The following PHF6 variants were observed in gnomAD, a reference collection of about 807,000 sequenced individuals.
The protein encoded by PHF6 is PHD finger protein 6.
A neutral mutation model predicts 34.0 loss-of-function variants in PHF6; 7 were observed. The ratio of observed to expected loss-of-function variants is 0.21; its 90% CI spans 0.12 to 0.39. PHF6 has a LOEUF of 0.39. PHF6 is among the 10% of genes least tolerant of loss of function. The pLI is 1.00. For missense variants in PHF6, 128 were observed against 262.8 expected (o/e 0.49, Z 3.55); for synonymous variants, 89 against 88.4 (o/e 1.01, Z -0.04).
chrX:134,384,938 ACTGCGCCCAGC>A (rs1201953446), intron 3 of PHF6, among the ~76,000 whole-genome samples: 1 of 111,804 alleles, frequency 8.9e-6, no homozygotes, highest in Non-Finnish European at 1.9e-5. Context: ...GGCGTGAGCC[ACTGCGCCCAGC>A]CTGCCTTTTC....
intron 2 of PHF6, 66 bp from the exon 3 acceptor site, chrX:134,377,939 T>G: frequency 1.1e-6 from 1 of 950,949 alleles, no homozygotes; most frequent in Admixed American, 2.6e-5. Context: ...ATTTGACATC[T>G]TATTTACTGT....
intron 5 of PHF6, among the ~76,000 whole-genome samples, chrX:134,409,456 CT>C (rs1160464249): frequency 9.0e-6 from 1 of 111,128 alleles, no homozygotes; most frequent in Non-Finnish European, 1.9e-5. Flanking sequence ...CTTGTGTATT[CT>C]TTTTTTCATC....
chrX:134,401,223 T>A (rs1261602738), intron 5 of PHF6, among the ~76,000 whole-genome samples: 1 of 111,500 alleles, frequency 9.0e-6, no homozygotes, highest in Non-Finnish European at 1.9e-5. Context: ...CTTCTCTTCT[T>A]AACCACTGTT....
chrX:134,415,815 T>C (rs1238193784), intron 8 of PHF6, among the ~76,000 whole-genome samples: 1 of 111,570 alleles, frequency 9.0e-6, no homozygotes, highest in Admixed American at 9.6e-5. Context: ...AGGCCTTTTA[T>C]TCTTGTTGCT....
At chrX:134,394,095 G>A in intron 5 of PHF6, 143 bp downstream of exon 5, 1 of 567,289 alleles carries the variant, frequency 1.8e-6, no homozygotes, top group Non-Finnish European at 2.9e-6. Flanking sequence ...AAAAGTGTTA[G>A]GATAAACTAA....
rs770811341 is a variant in PHF6, at chrX:134,393,949, G to A, written c.415G>A (p.Glu139Lys). The change falls in exon 5 of 11, where the codon GAA becomes AAA. Residue 139 changes from glutamate (E) to lysine (K), a missense_variant. By Grantham distance (56) the Glu-to-Lys change is moderately conservative. Transcript: ENST00000370803. The stretch of plus-strand genomic sequence containing the variant: ...ACACAAGAAAACTGCACATAACTCC[G>A]AAGGTACATCATTTAGCCACGTTTC... ...RKHKKTAHNS[E>K]ADLEESFNEH... 2.5e-6 allele frequency: 3 copies of A among 1,210,008 alleles called. No individual in the cohort carries two copies. Among genetic ancestry groups the A allele is most frequent in the Admixed American group, 4.4e-5 (2 of 45,902 alleles).
chrX:134,379,024 TAA>T (rs938297749), intron 3 of PHF6, among the ~76,000 whole-genome samples: 3 of 112,252 alleles, frequency 2.7e-5, no homozygotes, highest in Non-Finnish European at 5.6e-5. Flanking sequence ...TTTCATTTTT[TAA>T]AAGATGCGTT....
intron 5 of PHF6, among the ~76,000 whole-genome samples, chrX:134,407,935 T>G (rs975755476): frequency 4.5e-5 from 5 of 111,475 alleles, no homozygotes; most frequent in African/African-American, 1.6e-4. Flanking sequence ...TTTTCACTTT[T>G]TTTACATTTT....
At chrX:134,381,181 G>A (rs757172925) in intron 3 of PHF6, among the ~76,000 whole-genome samples, 13 of 111,155 alleles carry the variant, frequency 1.2e-4, no homozygotes, top group Non-Finnish European at 1.7e-4. Context: ...CTTTTGCTCC[G>A]TTTCCTTCCC....
intron 6 of PHF6, 72 bp from the exon 7 acceptor site, chrX:134,413,751 A>G: frequency 8.4e-7 from 1 of 1,195,047 alleles, no homozygotes; most frequent in Non-Finnish European, 1.1e-6. Context: ...TTGAAATGTT[A>G]AGTAAGCTTG....
chrX:134,403,513 GA>G (rs2077411238), intron 5 of PHF6, among the ~76,000 whole-genome samples: 1 of 112,623 alleles, frequency 8.9e-6, no homozygotes, highest in African/African-American at 3.2e-5. Context: ...GGTGCAAGGT[GA>G]AAGCAGCAAG....
chrX:134,384,672 G>C (rs1201409305), intron 3 of PHF6, among the ~76,000 whole-genome samples: 2 of 104,827 alleles, frequency 1.9e-5, no homozygotes, highest in Non-Finnish European at 3.9e-5. Context: ...TTTTTTTTGA[G>C]ACGGAGTCTT....
intron 3 of PHF6, among the ~76,000 whole-genome samples, chrX:134,390,313 C>T (rs926130232): frequency 2.7e-5 from 3 of 112,073 alleles, no homozygotes; most frequent in Non-Finnish European, 5.6e-5. Context: ...AAAATTCCAA[C>T]TCCTAACCTT....
intron 5 of PHF6, among the ~76,000 whole-genome samples, chrX:134,405,043 G>A (rs1165995853): frequency 1.8e-5 from 2 of 111,379 alleles, no homozygotes; most frequent in Non-Finnish European, 3.8e-5. Flanking sequence ...TAAATACTGT[G>A]TTCTATATCA....
At chrX:134,377,470 G>A (rs1256244726) in intron 1 of PHF6, 102 bp from the exon 2 acceptor site, 4 of 521,955 alleles carry the variant, frequency 7.7e-6, no homozygotes, top group Non-Finnish European at 1.2e-5. Flanking sequence ...ATTTAAAAAT[G>A]TGTATATTAA....
At chrX:134,374,604 G>GT (rs1339132832) in intron 1 of PHF6, among the ~76,000 whole-genome samples, 1 of 112,168 alleles carries the variant, frequency 8.9e-6, no homozygotes, top group Admixed American at 9.4e-5. Flanking sequence ...TTGTTGTTTT[G>GT]TTTGTTTTTC....
intron 5 of PHF6, among the ~76,000 whole-genome samples, chrX:134,402,139 G>T (rs1420560043): frequency 1.8e-5 from 2 of 111,378 alleles, no homozygotes; most frequent in Non-Finnish European, 3.8e-5. Flanking sequence ...GGGATTACAG[G>T]CAAGCGCCAC....
At position 134,428,478 on chromosome X, in the gene PHF6, T is replaced by C. The variant is rs2077514388; in HGVS notation, c.*2818T>C. The C allele has an allele frequency of 6.3e-6, 1 of 157,975 alleles. No individual in the cohort carries two copies. Among genetic ancestry groups the C allele is most frequent in the South Asian group, 3.3e-4 (1 of 3,073 alleles). 13.0% of individuals were successfully genotyped at this position (157,975 alleles called of 1,213,427 possible). ...GTAGATCTGCTATTGAATCAGAATC[T>C]GTGTACTTGAACAAATGTGTGAATC... is the stretch of plus-strand genomic sequence containing the variant. On this transcript the variant is annotated 3_prime_UTR_variant, in exon 11 of 11. Transcript: ENST00000370803.
intron 9 of PHF6, chrX:134,420,297 A>C (rs2077486748): frequency 1.0e-5 from 1 of 98,026 alleles, no homozygotes; most frequent in African/African-American, 3.8e-5. Flanking sequence ...GACAGAGCGA[A>C]ACTCTGTCTC....
Sources: gnomAD v4.1 joint callset for allele counts (sites outside exome capture counted in the v4.1 genomes callset) on GRCh38, gnomAD v4.1.1 for gene constraint, MANE v1.5 for transcripts, NCBI Gene and HGNC (gene_info 2026-07-23, HGNC 2026-07-21) for gene names.